The following CHSY1 variants were observed in gnomAD, a reference collection of about 807,000 sequenced individuals.
CHSY1 encodes N-acetylgalactosaminyl-proteoglycan 3-beta-glucuronosyltransferase 1.
CHSY1 carries 13 observed loss-of-function variants against 59.8 expected under a neutral mutation model. The observed-to-expected ratio is 0.22, with a 90% CI of 0.14 to 0.35. The LOEUF is 0.35. Ranked by LOEUF, CHSY1 falls within the 10% of genes least tolerant of loss-of-function variation. CHSY1 has a pLI of 1.00. For missense variants in CHSY1, 947 were observed against 1,030.6 expected (o/e 0.92, Z 1.11); for synonymous variants, 459 against 401.2 (o/e 1.14, Z -1.72).
chr15:101,177,297 C>T lies in CHSY1; in HGVS notation c.*91G>A. 8.1e-7 allele frequency: 1 copy of T among 1,232,774 alleles called. No individual in the cohort carries two copies. The highest frequency in any genetic ancestry group is 1.4e-5 in the South Asian group (1 of 69,812). The allele number at this position is 1,232,774 out of a possible 1,614,324, so 76.4% of individuals were successfully genotyped here. On this transcript the variant is annotated 3_prime_UTR_variant, in exon 3 of 3. Transcript: ENST00000254190. ...AAGAAAACCACTTGTAAAATATATCCTTGTATACGGACTTCAAAAACTGAT... is the reference window on the plus strand; with the variant it reads ...AAGAAAACCACTTGTAAAATATATCTTTGTATACGGACTTCAAAAACTGAT...
chr15:101,190,748 T>G (rs1380575265), intron 2 of CHSY1, among the ~76,000 whole-genome samples: 1 of 152,062 alleles, frequency 6.6e-6, no homozygotes, highest in Non-Finnish European at 1.5e-5. Flanking sequence ...AACTCAAAAA[T>G]AGGAAAACAA....
At chr15:101,232,050 T>C (rs1218422465) in intron 2 of CHSY1, among the ~76,000 whole-genome samples, 1 of 152,206 alleles carries the variant, frequency 6.6e-6, no homozygotes, top group Non-Finnish European at 1.5e-5. Flanking sequence ...CACCAATAAT[T>C]ATCAAAACAA....
intron 2 of CHSY1, among the ~76,000 whole-genome samples, chr15:101,206,588 G>A (rs546998251): frequency 4.6e-5 from 7 of 152,042 alleles, no homozygotes; most frequent in East Asian, 3.9e-4. Context: ...GAAAATAAAC[G>A]AACACTCATT....
chr15:101,211,464 T>C (rs1288002732), intron 2 of CHSY1, among the ~76,000 whole-genome samples: 1 of 152,056 alleles, frequency 6.6e-6, no homozygotes, highest in East Asian at 1.9e-4. Flanking sequence ...ATAAAACACG[T>C]ATAGGACTCA....
At position 101,249,383 on chromosome 15, in the gene CHSY1, CAA is replaced by C. The variant is rs10593437; in HGVS notation, c.320+1752_320+1753del. Among the ~76,000 whole-genome samples the C allele has an allele frequency of 3.8e-3, 436 of 115,064 alleles. 3 individuals carry two copies. The highest frequency in any genetic ancestry group is 0.011 in the African/African-American group (391 of 36,350). The allele number at this position is 115,064 out of a possible 152,430, so 75.5% of individuals were successfully genotyped here. ...TTTCCGATACGGCTGTTTCTCTGGT[CAA>C]AAAAAAAAAAAAAATCCCATAAAAC... On this transcript the variant is annotated intron_variant, in intron 1 of 2. Transcript: ENST00000254190.
chr15:101,182,399 T>G (rs61414324), intron 2 of CHSY1, among the ~76,000 whole-genome samples: 2,512 of 152,318 alleles, frequency 0.016, 34 homozygotes, highest in East Asian at 0.076. Flanking sequence ...CTCACCACAG[T>G]GGCAACAGGA....
chr15:101,182,875 T>C (rs2038299211), intron 2 of CHSY1, among the ~76,000 whole-genome samples: 1 of 152,086 alleles, frequency 6.6e-6, no homozygotes, highest in Non-Finnish European at 1.5e-5. Flanking sequence ...TCAGGGCAGC[T>C]GAAAAAGGGT....
intron 1 of CHSY1, 77 bp downstream of exon 1, chr15:101,251,060 G>A (rs900491628): frequency 2.9e-6 from 4 of 1,387,068 alleles, no homozygotes; most frequent in African/African-American, 2.9e-5. Flanking sequence ...GCGGAGGCGA[G>A]AGCCAGGAGA....
intron 1 of CHSY1, among the ~76,000 whole-genome samples, chr15:101,246,281 CA>C (rs2039050425): frequency 6.6e-6 from 1 of 150,514 alleles, no homozygotes; most frequent in African/African-American, 2.4e-5. Context: ...GGGTAAGAAC[CA>C]AAACAAACAA....
chr15:101,229,173 CAT>C (rs2038869714), intron 2 of CHSY1, among the ~76,000 whole-genome samples: 1 of 152,160 alleles, frequency 6.6e-6, no homozygotes, highest in Non-Finnish European at 1.5e-5. Context: ...AAAGATATGA[CAT>C]ACAGAAAACA....
intron 2 of CHSY1, among the ~76,000 whole-genome samples, chr15:101,186,430 G>A (rs1237928316): frequency 6.6e-6 from 1 of 152,190 alleles, no homozygotes; most frequent in African/African-American, 2.4e-5. Context: ...AGAAAGTTTA[G>A]AATATAACAA....
chr15:101,219,196 CTATT>C (rs535374872), intron 2 of CHSY1, among the ~76,000 whole-genome samples: 96 of 152,308 alleles, frequency 6.3e-4, no homozygotes, highest in Non-Finnish European at 1.2e-3. Context: ...CCAAAAAAAT[CTATT>C]TATTACAAAG....
At chr15:101,189,126 C>T (rs959562474) in intron 2 of CHSY1, among the ~76,000 whole-genome samples, 10 of 152,224 alleles carry the variant, frequency 6.6e-5, no homozygotes, top group African/African-American at 9.6e-5. Flanking sequence ...GAAACAAGCG[C>T]GAACACAAGA....
At chr15:101,185,893 C>T (rs1274296657) in intron 2 of CHSY1, among the ~76,000 whole-genome samples, 1 of 151,750 alleles carries the variant, frequency 6.6e-6, no homozygotes, top group African/African-American at 2.4e-5. Context: ...CGTTTAACGC[C>T]TACATCTCCA....
chr15:101,199,834 C>T (rs1040527009), intron 2 of CHSY1, among the ~76,000 whole-genome samples: 6 of 152,148 alleles, frequency 3.9e-5, no homozygotes, highest in Non-Finnish European at 8.8e-5. Flanking sequence ...TTTCAAGAAA[C>T]TAAAAACAGA....
intron 2 of CHSY1, among the ~76,000 whole-genome samples, chr15:101,212,786 A>G (rs2038694711): frequency 6.6e-6 from 1 of 152,236 alleles, no homozygotes; most frequent in Non-Finnish European, 1.5e-5. Context: ...CTGTAAGTCA[A>G]TATGCAACTC....
rs548628862 is a variant in CHSY1 at position 101,178,081 on chromosome 15, G to C, written c.1716C>G (p.Phe572Leu). ...CCTTGTCAGGGTTGGAGTCAGAATT[G>C]AAAAGCAGAACCACGAGCTTGACGT... ...NQNVKLVVLL[F>L]NSDSNPDKAK... is the part of the protein sequence containing the mutation. Residue 572 changes from phenylalanine (F) to leucine (L), a missense_variant, in exon 3 of 3, where the codon TTC becomes TTG. By Grantham distance (22) the Phe-to-Leu change is conservative. Transcript: ENST00000254190. 4 of 1,614,034 alleles carry C rather than the reference G, an allele frequency of 2.5e-6. No homozygotes were observed. In the African/African-American group the frequency reaches 5.3e-5, roughly 22 times the overall value.
At chr15:101,249,691 CTT>C (rs1423327974) in intron 1 of CHSY1, among the ~76,000 whole-genome samples, 4 of 151,908 alleles carry the variant, frequency 2.6e-5, no homozygotes, top group Non-Finnish European at 4.4e-5. Flanking sequence ...TTTTTGTACT[CTT>C]GAGTAGAGAC....
chr15:101,228,854 T>C (rs1157476867), intron 2 of CHSY1, among the ~76,000 whole-genome samples: 1 of 152,214 alleles, frequency 6.6e-6, no homozygotes, highest in East Asian at 1.9e-4. Flanking sequence ...TGTAATTCCT[T>C]TTTTCTCTGA....
Sources: allele counts gnomAD v4.1 joint callset (sites outside exome capture counted in the v4.1 genomes callset), GRCh38; gene constraint gnomAD v4.1.1; transcripts MANE v1.5; gene names NCBI Gene and HGNC (gene_info 2026-07-23, HGNC 2026-07-21).